The following NHERF2 variants were observed in gnomAD, a reference collection of about 807,000 sequenced individuals.
NHERF2 encodes Na(+)/H(+) exchange regulatory cofactor NHE-RF2.
chr16:2,035,832 G>C, the NHERF2 span: 3 of 314,246 alleles, frequency 9.5e-6, no homozygotes, highest in Non-Finnish European at 1.4e-5. Context: ...CATTTTCCTG[G>C]AATGTGAAAG....
the NHERF2 span, chr16:2,038,423 TCCCCTC>T: frequency 1.2e-5 from 3 of 245,654 alleles, no homozygotes; most frequent in Admixed American, 1.4e-4. Context: ...CCCTCCCCCT[TCCCCTC>T]CCCCTTGGGA....
chr16:2,036,330 A>G, the NHERF2 span: 4 of 1,607,532 alleles, frequency 2.5e-6, no homozygotes, highest in East Asian at 6.7e-5. Flanking sequence ...GCAGGATGTC[A>G]GTGGGCCCCT....
At chr16:2,032,795 AAC>A in the NHERF2 span, 2 of 996,474 alleles carry the variant, frequency 2.0e-6, no homozygotes, top group Non-Finnish European at 2.4e-6. This position sits in a 1 kb window ranked among gnomAD's most constrained non-coding sequence, Gnocchi z 4.0. Context: ...ACAGCCCCCA[AAC>A]AGAGACGGGG....
At chr16:2,030,213 C>T in the NHERF2 span, among the ~76,000 whole-genome samples, 2 of 152,200 alleles carry the variant, frequency 1.3e-5, no homozygotes, top group Non-Finnish European at 2.9e-5. Flanking sequence ...CTGGGAAGGC[C>T]TGGGAGAGGG....
At chr16:2,032,023 T>TTTC in the NHERF2 span, among the ~76,000 whole-genome samples, 106 of 98,150 alleles carry the variant, frequency 1.1e-3, no homozygotes, top group African/African-American at 3.0e-3. This position sits in a 1 kb window ranked among gnomAD's most constrained non-coding sequence, Gnocchi z 4.0. Context: ...TCTTTCTTTC[T>TTTC]TTTTTTTTTT....
the NHERF2 span, among the ~76,000 whole-genome samples, chr16:2,030,856 G>T: frequency 6.6e-6 from 1 of 151,930 alleles, no homozygotes; most frequent in African/African-American, 2.4e-5. Context: ...CAGGAGAGTC[G>T]CTTGAACCCG....
At chr16:2,036,640 G>A in the NHERF2 span, 12 of 1,563,226 alleles carry the variant, frequency 7.7e-6, no homozygotes, top group Non-Finnish European at 1.0e-5. Context: ...GGCGGTGGCT[G>A]TGATGAATAT....
the NHERF2 span, chr16:2,035,634 T>C: frequency 1.6e-3 from 1,606 of 986,280 alleles, no homozygotes; most frequent in Non-Finnish European, 1.8e-3. Flanking sequence ...GAGGTGGTCA[T>C]TGGGCCTGGC....
chr16:2,036,767 G>A, the NHERF2 span: 10 of 1,613,418 alleles, frequency 6.2e-6, no homozygotes, highest in Non-Finnish European at 8.5e-6. Flanking sequence ...CCATGCTGAG[G>A]TGGTGGCCAG....
chr16:2,029,239 G>A, the NHERF2 span, among the ~76,000 whole-genome samples: 1 of 152,218 alleles, frequency 6.6e-6, no homozygotes, highest in Non-Finnish European at 1.5e-5. Flanking sequence ...AAGGTCCACT[G>A]TGCACCATTT....
At chr16:2,038,787 T>C in the NHERF2 span, 1 of 161,720 alleles carries the variant, frequency 6.2e-6, no homozygotes, top group Non-Finnish European at 1.3e-5. Flanking sequence ...GACAGGCCCC[T>C]CATTCCGCGC....
chr16:2,030,540 A>G, the NHERF2 span, among the ~76,000 whole-genome samples: 44,807 of 151,400 alleles, frequency 0.3, 7,846 homozygotes, highest in African/African-American at 0.48. Flanking sequence ...GGCCTTGGGG[A>G]CCAGGAGGAA....
chr16:2,038,515 G>C, the NHERF2 span: 1 of 369,214 alleles, frequency 2.7e-6, no homozygotes, highest in South Asian at 2.0e-5. Context: ...CCTCAGCAGC[G>C]GCCGTCCTGA....
At chr16:2,027,000 G>A in the NHERF2 span, 1 of 1,131,786 alleles carries the variant, frequency 8.8e-7, no homozygotes, top group Non-Finnish European at 1.1e-6. Context: ...GTGGGCAGCG[G>A]GCGCCATGGC....
chr16:2,030,889 C>T, the NHERF2 span, among the ~76,000 whole-genome samples: 2 of 151,732 alleles, frequency 1.3e-5, no homozygotes, highest in Non-Finnish European at 2.9e-5. Flanking sequence ...TTCAGTGAGC[C>T]GAGATCCCGC....
chr16:2,029,782 G>T, the NHERF2 span: 1 of 1,547,612 alleles, frequency 6.5e-7, no homozygotes. Context: ...CTGGCAAGAA[G>T]GTATGGCGGG....
the NHERF2 span, chr16:2,036,709 T>TA: frequency 6.8e-6 from 11 of 1,609,436 alleles, no homozygotes; most frequent in Admixed American, 3.3e-5. Context: ...GCGGGGCTGA[T>TA]ACATGCTGGT....
the NHERF2 span, among the ~76,000 whole-genome samples, chr16:2,028,368 C>T: frequency 6.6e-6 from 1 of 152,194 alleles, no homozygotes; most frequent in African/African-American, 2.4e-5. Flanking sequence ...GGTAGGGCTG[C>T]CAGGGCTGGG....
At chr16:2,037,614 C>T in the NHERF2 span, 2 of 1,611,502 alleles carry the variant, frequency 1.2e-6, no homozygotes, top group Non-Finnish European at 1.7e-6. Context: ...TGGATGTTCT[C>T]CACTCCTGAG....
Sources: allele counts gnomAD v4.1 joint callset (sites outside exome capture counted in the v4.1 genomes callset), GRCh38; gene constraint gnomAD v4.1.1; non-coding constraint Gnocchi (gnomAD v3.1); transcripts MANE v1.5; gene names NCBI Gene and HGNC (gene_info 2026-07-23, HGNC 2026-07-21).